THSD7A: variants seen among roughly 807,000 people sequenced by gnomAD.
The protein encoded by THSD7A is thrombospondin type-1 domain-containing protein 7A.
A neutral mutation model predicts 231.3 loss-of-function variants in THSD7A; 96 were observed. The observed-to-expected ratio is 0.41, with a 90% CI of 0.35 to 0.49. The LOEUF is 0.49. THSD7A is among the 20% of genes least tolerant of loss of function. THSD7A has a pLI of 0.05. For missense variants in THSD7A, 2,290 were observed against 2,070.2 expected (o/e 1.11, Z -2.06); for synonymous variants, 940 against 743.3 (o/e 1.26, Z -4.30).
intron 17 of THSD7A, among the ~76,000 whole-genome samples, chr7:11,416,118 C>A (rs1783951035): frequency 1.3e-5 from 2 of 152,200 alleles, no homozygotes; most frequent in South Asian, 4.1e-4. Context: ...GAATTTTATT[C>A]CTATCCAAAC....
intron 14 of THSD7A, 67 bp downstream of exon 14, chr7:11,428,880 T>G (rs1784398927): frequency 6.6e-7 from 1 of 1,513,476 alleles, no homozygotes; most frequent in Admixed American, 2.3e-5. Context: ...TCTTCTCCAT[T>G]TTGGAGAAAA....
At chr7:11,728,893 A>T (rs1363271313) in intron 1 of THSD7A, among the ~76,000 whole-genome samples, 1 of 151,894 alleles carries the variant, frequency 6.6e-6, no homozygotes, top group Admixed American at 6.6e-5. Context: ...TAATAATATT[A>T]AACAGCATAA....
intron 1 of THSD7A, among the ~76,000 whole-genome samples, chr7:11,724,200 G>T (rs1225346902): frequency 1.3e-5 from 2 of 151,908 alleles, no homozygotes; most frequent in African/African-American, 2.4e-5. Flanking sequence ...ATAAAAGAAT[G>T]TAGCTGCTAC....
At chr7:11,694,544 A>G (rs559490592) in intron 1 of THSD7A, among the ~76,000 whole-genome samples, 9 of 151,686 alleles carry the variant, frequency 5.9e-5, no homozygotes, top group Non-Finnish European at 4.4e-5. Context: ...CCTTGCAGAG[A>G]GAGTAGCTGA....
intron 1 of THSD7A, among the ~76,000 whole-genome samples, chr7:11,739,782 T>C (rs970492402): frequency 2.0e-5 from 3 of 151,928 alleles, no homozygotes; most frequent in Admixed American, 2.0e-4. Context: ...TTCTTACACC[T>C]GTCGTACCCT....
At chr7:11,797,561 T>G (rs1010513069) in intron 1 of THSD7A, among the ~76,000 whole-genome samples, 10 of 151,752 alleles carry the variant, frequency 6.6e-5, no homozygotes, top group Non-Finnish European at 1.2e-4. Flanking sequence ...GGACTACAGA[T>G]GCACATCACC....
At chr7:11,752,349 C>T (rs1352122936) in intron 1 of THSD7A, among the ~76,000 whole-genome samples, 1 of 151,996 alleles carries the variant, frequency 6.6e-6, no homozygotes, top group African/African-American at 2.4e-5. Flanking sequence ...GAATATGTTC[C>T]TGTGCACCCC....
At chr7:11,699,000 T>G (rs570083372) in intron 1 of THSD7A, among the ~76,000 whole-genome samples, 22 of 149,134 alleles carry the variant, frequency 1.5e-4, no homozygotes, top group African/African-American at 5.4e-4. Context: ...GCATTCACAA[T>G]GCCAAGGTAC....
chr7:11,722,869 A>G (rs940751028), intron 1 of THSD7A, among the ~76,000 whole-genome samples: 1 of 151,978 alleles, frequency 6.6e-6, no homozygotes, highest in Admixed American at 6.6e-5. Flanking sequence ...ACACTTTTAC[A>G]CTGCTGGTGG....
At chr7:11,615,942 T>TA in intron 2 of THSD7A, among the ~76,000 whole-genome samples, 1 of 152,178 alleles carries the variant, frequency 6.6e-6, no homozygotes, top group Non-Finnish European at 1.5e-5. Flanking sequence ...ATGTAACATT[T>TA]AAAAAATATC....
At chr7:11,495,004 A>C (rs1020893186) in intron 6 of THSD7A, among the ~76,000 whole-genome samples, 1 of 152,086 alleles carries the variant, frequency 6.6e-6, no homozygotes, top group Admixed American at 6.6e-5. Flanking sequence ...CTTTTCATAA[A>C]TGGATGTTTA....
chr7:11,408,982 G>T (rs1452659446), intron 19 of THSD7A, among the ~76,000 whole-genome samples: 1 of 152,108 alleles, frequency 6.6e-6, no homozygotes, highest in Non-Finnish European at 1.5e-5. Flanking sequence ...TGAATCACAG[G>T]ATTCAATTAT....
chr7:11,802,879 T>C (rs1043129717), intron 1 of THSD7A, among the ~76,000 whole-genome samples: 1 of 152,132 alleles, frequency 6.6e-6, no homozygotes, highest in African/African-American at 2.4e-5. Context: ...CAAAAAACAA[T>C]AATGAGAAAA....
chr7:11,618,728 C>A (rs1224524640), intron 2 of THSD7A, among the ~76,000 whole-genome samples: 1 of 150,842 alleles, frequency 6.6e-6, no homozygotes, highest in Admixed American at 6.6e-5. Context: ...GCGGAGCTTG[C>A]AGTGAGCAGA....
intron 1 of THSD7A, among the ~76,000 whole-genome samples, chr7:11,799,555 T>G (rs1784221821): frequency 6.6e-6 from 1 of 152,174 alleles, no homozygotes; most frequent in Non-Finnish European, 1.5e-5. Flanking sequence ...TTCTCAGAGT[T>G]TTCATCAATC....
intron 4 of THSD7A, among the ~76,000 whole-genome samples, chr7:11,556,737 G>A (rs1458719823): frequency 6.6e-6 from 1 of 151,852 alleles, no homozygotes; most frequent in African/African-American, 2.4e-5. Flanking sequence ...TTTTCTCTGA[G>A]TATTGAATTG....
At chr7:11,454,616 GTAT>G (rs1023355125) in intron 11 of THSD7A, among the ~76,000 whole-genome samples, 2 of 145,938 alleles carry the variant, frequency 1.4e-5, no homozygotes, top group African/African-American at 5.1e-5. Flanking sequence ...CACTACTACT[GTAT>G]TATTATGACT....
In THSD7A at chr7:11,595,383, G is replaced by C. The variant is rs532348742; in HGVS notation, c.1023-1881C>G. On this transcript the variant is annotated intron_variant, in intron 2 of 27. Coordinates refer to ENST00000423059, the MANE Select transcript of THSD7A (RefSeq NM_015204.3). The stretch of plus-strand genomic sequence containing the variant: ...AATGGTGGAAGGAAGATAGAGTCGG[G>C]TCAGGCTGAATTTATTGATTTGGGC... Among the ~76,000 whole-genome samples, 285 of 152,224 alleles carry C rather than the reference G, an allele frequency of 1.9e-3. 1 individual carries two copies. The highest frequency in any genetic ancestry group is 6.7e-3 in the African/African-American group (279 of 41,536).
chr7:11,775,227 A>C (rs969402972), intron 1 of THSD7A, among the ~76,000 whole-genome samples: 12 of 152,308 alleles, frequency 7.9e-5, no homozygotes, highest in Admixed American at 7.8e-4. Flanking sequence ...AGGAAATTGG[A>C]ACCCTTGTGC....
Sources: gnomAD v4.1 joint callset for allele counts (sites outside exome capture counted in the v4.1 genomes callset) on GRCh38, gnomAD v4.1.1 for gene constraint, MANE v1.5 for transcripts, NCBI Gene and HGNC (gene_info 2026-07-23, HGNC 2026-07-21) for gene names.